Variants in SGCZ observed in about 807,000 individuals in gnomAD.
SGCZ encodes sarcoglycan zeta.
Under a neutral mutation model 41.3 loss-of-function variants are expected in SGCZ, and 40 were observed. The ratio of observed to expected loss-of-function variants is 0.97; its 90% confidence interval spans 0.75 to 1.26. The LOEUF (loss-of-function observed/expected upper bound fraction) is 1.26, where lower values mean the gene tolerates loss of function less well. Among genes scored for constraint, SGCZ ranks in the 50% most tolerant of loss-of-function variants. The pLI is 0.00. For missense variants in SGCZ, 552 were observed against 369.8 expected (o/e 1.49, Z -4.04); for synonymous variants, 206 against 137.5 (o/e 1.50, Z -3.49).
Position 14,604,421 on chromosome 8 carries a change from A to AC in SGCZ, c.40-49496_40-49495insG, listed in dbSNP as rs548016791. 9.3e-3 allele frequency among the ~76,000 whole-genome samples: 1,350 copies of AC among 145,712 alleles called. 5 individuals carry two copies. Among genetic ancestry groups the AC allele is most frequent in the South Asian group, 0.017 (74 of 4,422 alleles). On this transcript the variant is annotated intron_variant, in intron 1 of 7. Transcript: ENST00000382080. ...ATGGGGTGACAATCTATAAGCCATG[A>AC]TTTTTTTTTTATCTGTGCACTAGAG...
At position 14,401,086 on chromosome 8, in the gene SGCZ, C is replaced by T. The variant is rs1179896463; in HGVS notation, c.235-76882G>A. ...CCCTGTGTAATTAATGGAAGGAAAG[C>T]AGTCCACACTGTGCAAGATACAGCT... On this transcript the variant is annotated intron_variant, in intron 2 of 7. Coordinates refer to ENST00000382080, the MANE Select transcript of SGCZ (RefSeq NM_139167.4). Among the ~76,000 whole-genome samples, 5 of 152,222 alleles carry T rather than the reference C, an allele frequency of 3.3e-5. No homozygotes were observed. The East Asian group carries it at 9.7e-4, about 29-fold the overall frequency.
intron 4 of SGCZ, among the ~76,000 whole-genome samples, chr8:14,233,010 C>G (rs1183362459): frequency 2.0e-5 from 3 of 151,902 alleles, no homozygotes; most frequent in African/African-American, 7.2e-5. Flanking sequence ...CATAGGGCCC[C>G]ATAAGTAGCC....
At chr8:15,120,183 T>C (rs892347362) in intron 1 of SGCZ, among the ~76,000 whole-genome samples, 6 of 152,224 alleles carry the variant, frequency 3.9e-5, no homozygotes, top group African/African-American at 1.2e-4. Flanking sequence ...TCACTGATCC[T>C]GCCAATGAAC....
chr8:14,309,166 C>A, intron 3 of SGCZ: 1 of 1,474,672 alleles, frequency 6.8e-7, no homozygotes. Context: ...TTTTTAAAAA[C>A]GAAAAAAGCA....
chr8:14,679,053 T>C (rs28788561), intron 1 of SGCZ, among the ~76,000 whole-genome samples: 85,934 of 151,888 alleles, frequency 0.57, 25,837 homozygotes, highest in East Asian at 0.76. Flanking sequence ...ATTCCTATCG[T>C]CTAGTGATGT....
intron 2 of SGCZ, among the ~76,000 whole-genome samples, chr8:14,344,924 T>G (rs1195770802): frequency 6.6e-6 from 1 of 152,092 alleles, no homozygotes; most frequent in African/African-American, 2.4e-5. Context: ...GATAGTGGAT[T>G]TCTACGATAC....
chr8:15,014,992 C>T (rs1802971285), intron 1 of SGCZ, among the ~76,000 whole-genome samples: 2 of 152,208 alleles, frequency 1.3e-5, no homozygotes. Context: ...TGCCTGTAAT[C>T]CCACTTTGGG....
intron 4 of SGCZ, among the ~76,000 whole-genome samples, chr8:14,186,288 T>G (rs1251305448): frequency 6.6e-6 from 1 of 152,228 alleles, no homozygotes; most frequent in Non-Finnish European, 1.5e-5. Context: ...AAGAAAATTT[T>G]TTAAACAGCA....
intron 4 of SGCZ, among the ~76,000 whole-genome samples, chr8:14,170,633 G>C (rs917373249): frequency 6.6e-6 from 1 of 151,980 alleles, no homozygotes; most frequent in Non-Finnish European, 1.5e-5. Flanking sequence ...GGTCCCAATG[G>C]AACAACATAT....
intron 4 of SGCZ, among the ~76,000 whole-genome samples, chr8:14,219,859 G>T (rs200008359): frequency 7.8e-6 from 1 of 127,800 alleles, no homozygotes; most frequent in Non-Finnish European, 1.7e-5. Context: ...AAAATTTCTT[G>T]TAGGGAAAAC....
At chr8:14,403,546 C>T (rs138063698) in intron 2 of SGCZ, among the ~76,000 whole-genome samples, 5,836 of 151,620 alleles carry the variant, frequency 0.038, 357 homozygotes, top group African/African-American at 0.13. Flanking sequence ...ATTGAGATAA[C>T]CATGTGGTTT....
chr8:14,141,156 T>C (rs1243861288), intron 5 of SGCZ, among the ~76,000 whole-genome samples: 2 of 152,166 alleles, frequency 1.3e-5, no homozygotes, highest in African/African-American at 4.8e-5. Context: ...CGTTACACCT[T>C]GTACAAAAAT....
At chr8:15,017,131 C>G (rs1483921475) in intron 1 of SGCZ, among the ~76,000 whole-genome samples, 1 of 152,116 alleles carries the variant, frequency 6.6e-6, no homozygotes, top group Admixed American at 6.5e-5. Context: ...GGATTCAAGC[C>G]TAGATTTGAG....
intron 5 of SGCZ, among the ~76,000 whole-genome samples, chr8:14,159,060 C>T (rs778371899): frequency 4.6e-5 from 7 of 152,106 alleles, no homozygotes; most frequent in Admixed American, 2.0e-4. Flanking sequence ...TGAGCCACTG[C>T]GCCTGGCCAG....
chr8:14,941,271 A>G (rs561835870), intron 1 of SGCZ, among the ~76,000 whole-genome samples: 1 of 152,230 alleles, frequency 6.6e-6, no homozygotes, highest in South Asian at 2.1e-4. Flanking sequence ...CAGATATAAA[A>G]GCAGTAGTGT....
chr8:14,508,238 A>AT (rs1802366335), intron 2 of SGCZ, among the ~76,000 whole-genome samples: 2 of 152,294 alleles, frequency 1.3e-5, no homozygotes, highest in African/African-American at 4.8e-5. Flanking sequence ...GACCAAGAAT[A>AT]TTGGACTCTT....
chr8:14,551,489 T>TTATATATATTATATATATATTATATATAA (rs1803824101), intron 2 of SGCZ, among the ~76,000 whole-genome samples: 10 of 6,258 alleles, frequency 1.6e-3, no homozygotes, highest in African/African-American at 3.6e-3. Flanking sequence ...ATTATATATA[T>TTATATATATTATATATATATTATATATAA]TATATATATT....
At chr8:14,193,786 A>T (rs1054963986) in intron 4 of SGCZ, among the ~76,000 whole-genome samples, 1 of 151,868 alleles carries the variant, frequency 6.6e-6, no homozygotes, top group African/African-American at 2.4e-5. Context: ...CCAGTCCAAC[A>T]TGTATTTGTT....
chr8:14,939,162 TG>T (rs1181097977), intron 1 of SGCZ, among the ~76,000 whole-genome samples: 1 of 152,154 alleles, frequency 6.6e-6, no homozygotes, highest in African/African-American at 2.4e-5. Context: ...TGTGCTTAGC[TG>T]GTTAGAATCA....
Sources: gnomAD v4.1 joint callset for allele counts (sites outside exome capture counted in the v4.1 genomes callset) on GRCh38, gnomAD v4.1.1 for gene constraint, MANE v1.5 for transcripts, NCBI Gene and HGNC (gene_info 2026-07-23, HGNC 2026-07-21) for gene names.